Variants in SERPINA12 observed in about 807,000 individuals in gnomAD.
SERPINA12 encodes serpin family A member 12.
SERPINA12 carries 21 observed loss-of-function variants against 25.9 expected under a neutral mutation model. The ratio of observed to expected loss-of-function variants is 0.81; its 90% CI spans 0.58 to 1.17. The LOEUF (loss-of-function observed/expected upper bound fraction) is 1.17, where lower values mean the gene tolerates loss of function less well. SERPINA12 is among the 50% of genes most tolerant of loss of function. SERPINA12 has a pLI of 0.00. For synonymous variants in SERPINA12, 220 were observed against 196.0 expected (o/e 1.12, Z -1.02); for missense variants, 562 against 508.3 (o/e 1.11, Z -1.02).
At chr14:94,493,367 C>T (rs1172786373) in intron 3 of SERPINA12, among the ~76,000 whole-genome samples, 1 of 152,192 alleles carries the variant, frequency 6.6e-6, no homozygotes, top group Non-Finnish European at 1.5e-5. Context: ...CATTCCAAGG[C>T]CAGAAGTGAC....
At chr14:94,509,896 C>A (rs1901063770), upstream of SERPINA12, 2 of 824,198 alleles carry the variant, frequency 2.4e-6, no homozygotes, top group South Asian at 1.1e-4. Context: ...AGATTCCTTC[C>A]CTGGGACAGG....
At chr14:94,506,864 T>G (rs1178697052) in intron 1 of SERPINA12, among the ~76,000 whole-genome samples, 1 of 152,244 alleles carries the variant, frequency 6.6e-6, no homozygotes, top group African/African-American at 2.4e-5. Flanking sequence ...GATTCCCACC[T>G]GATGATTCCC....
Position 94,496,597 on chromosome 14 carries a change from A to G in SERPINA12, c.681T>C (p.Asp227=). Reference sequence around the variant, plus strand: ...CTGAACTGTTTTTCTCCAGAAAGAAATCTTCCTCTTTAGTTACATTTGGAT... The same window carrying G: ...CTGAACTGTTTTTCTCCAGAAAGAAGTCTTCCTCTTTAGTTACATTTGGAT... The part of the protein sequence containing the change: ...EFDPNVTKEE[D]FFLEKNSSVK... Residue 227 remains aspartate, a synonymous_variant, in exon 3 of 5, where the codon GAT becomes GAC. Transcript: ENST00000677451. 1 of 1,614,070 alleles carries G rather than the reference A, an allele frequency of 6.2e-7. No homozygotes were observed. The highest frequency in any genetic ancestry group is 8.5e-7 in the Non-Finnish European group (1 of 1,179,942).
intron 1 of SERPINA12, among the ~76,000 whole-genome samples, chr14:94,507,428 G>A (rs970352536): frequency 1.3e-5 from 2 of 152,336 alleles, no homozygotes; most frequent in East Asian, 3.9e-4. Flanking sequence ...CAAGTCACAA[G>A]CTGGGAGTGG....
chr14:94,496,481 T>C lies in SERPINA12; in HGVS notation c.797A>G (p.Lys266Arg), dbSNP rs1259270856. ...AAGGATGAAGATGGCTGTGATATTTTTCTGGTAGGGTATTTCCAGGATGGT... is the reference window on the plus strand; with the variant it reads ...AAGGATGAAGATGGCTGTGATATTTCTCTGGTAGGGTATTTCCAGGATGGT... ...SCTILEIPYQ[K>R]NITAIFILPD... The change falls in exon 3 of 5, where the codon AAA becomes AGA. Residue 266 changes from lysine to arginine, a missense_variant. Physicochemically the swap from Lys to Arg is conservative, Grantham distance 26 (BLOSUM62 2). Transcript: ENST00000677451. 1.2e-6 allele frequency: 2 copies of C among 1,614,178 alleles called. No individual in the cohort carries two copies. Among genetic ancestry groups the C allele is most frequent in the South Asian group, 2.2e-5 (2 of 91,072 alleles).
chr14:94,496,584 T>C lies in SERPINA12; in HGVS notation c.694A>G (p.Lys232Glu), dbSNP rs1900433405. Residue 232 changes from lysine to glutamate, a missense_variant, in exon 3 of 5, where the codon AAA becomes GAA. Lys to Glu is a moderately conservative substitution (Grantham distance 56). Coordinates refer to ENST00000677451, the MANE Select transcript of SERPINA12 (RefSeq NM_001382267.1). ...VTKEEDFFLEKNSSVKVPMMF... is the reference protein window; with the variant it reads ...VTKEEDFFLEENSSVKVPMMF... Reference sequence around the variant, plus strand: ...ATGGGCACCTTGACTGAACTGTTTTTCTCCAGAAAGAAATCTTCCTCTTTA... The same window carrying C: ...ATGGGCACCTTGACTGAACTGTTTTCCTCCAGAAAGAAATCTTCCTCTTTA... 1.2e-6 allele frequency: 2 copies of C among 1,614,074 alleles called. No homozygotes were observed.
At chr14:94,504,653 C>A (rs949801156) in intron 1 of SERPINA12, among the ~76,000 whole-genome samples, 8 of 152,158 alleles carry the variant, frequency 5.3e-5, no homozygotes, top group African/African-American at 1.7e-4. Context: ...CAACTAAATG[C>A]GTAGATTCCG....
At chr14:94,516,554 C>G (rs1901239919) in intron 1 of SERPINA12, among the ~76,000 whole-genome samples, 1 of 152,160 alleles carries the variant, frequency 6.6e-6, no homozygotes, top group Non-Finnish European at 1.5e-5. Flanking sequence ...GCACCCCACA[C>G]CAACCTCAGA....
intron 1 of SERPINA12, among the ~76,000 whole-genome samples, chr14:94,503,622 A>T (rs1281960937): frequency 6.6e-5 from 10 of 152,208 alleles, no homozygotes; most frequent in Admixed American, 6.5e-5. Flanking sequence ...TGCCATAAAG[A>T]GGGAAATGAG....
intron 1 of SERPINA12, among the ~76,000 whole-genome samples, chr14:94,509,080 T>C (rs925184751): frequency 6.6e-6 from 1 of 152,172 alleles, no homozygotes; most frequent in Non-Finnish European, 1.5e-5. Context: ...TCTGAATCCC[T>C]TTTTCCATGG....
chr14:94,501,022 C>T (rs1900696066), intron 1 of SERPINA12: 1 of 985,286 alleles, frequency 1.0e-6, no homozygotes, highest in Non-Finnish European at 1.2e-6. Context: ...CCAAAAACCA[C>T]TTCTTGGTAA....
At chr14:94,496,250 C>A in intron 3 of SERPINA12, 123 bp downstream of exon 3, 2 of 924,570 alleles carry the variant, frequency 2.2e-6, no homozygotes, top group Admixed American at 4.6e-5. Context: ...TAATTCTCAC[C>A]ATGATATAAG....
At chr14:94,511,263 A>T, upstream of SERPINA12, 1 of 266,818 alleles carries the variant, frequency 3.7e-6, no homozygotes, top group Non-Finnish European at 5.8e-6. Flanking sequence ...ACATATATAT[A>T]TACACACACA....
intron 2 of SERPINA12, among the ~76,000 whole-genome samples, 154 bp downstream of exon 2, chr14:94,497,610 T>C (rs1308895350): frequency 1.3e-5 from 2 of 152,202 alleles, no homozygotes; most frequent in Non-Finnish European, 2.9e-5. Context: ...TTATGTATCA[T>C]GGTAACCATT....
At chr14:94,509,852 C>T (rs1451424253), upstream of SERPINA12, 17 of 425,070 alleles carry the variant, frequency 4.0e-5, no homozygotes, top group Non-Finnish European at 5.0e-5. Flanking sequence ...AGCCCTGATC[C>T]CTGTGATCAT....
At chr14:94,497,658 A>T in intron 2 of SERPINA12, 106 bp downstream of exon 2, 1 of 1,018,408 alleles carries the variant, frequency 9.8e-7, no homozygotes, top group Non-Finnish European at 1.4e-6. Context: ...GAGATAAATC[A>T]CATATGAATT....
At chr14:94,501,619 TC>T (rs138900346) in intron 1 of SERPINA12, among the ~76,000 whole-genome samples, 7,929 of 150,320 alleles carry the variant, frequency 0.053, 282 homozygotes, top group Middle Eastern at 0.09. Flanking sequence ...TTTGGTTTCT[TC>T]CCCCATGAGA....
intron 3 of SERPINA12, among the ~76,000 whole-genome samples, chr14:94,496,103 A>G (rs1012098977): frequency 1.6e-4 from 24 of 152,076 alleles, no homozygotes; most frequent in African/African-American, 5.6e-4. Context: ...ACTTGGCTCA[A>G]ATGCTATCTC....
chr14:94,503,260 T>C, intron 1 of SERPINA12: 1 of 985,110 alleles, frequency 1.0e-6, no homozygotes. Flanking sequence ...CAAACTCTGA[T>C]GACCACAGCA....
Sources: gnomAD v4.1 joint callset for allele counts (sites outside exome capture counted in the v4.1 genomes callset) on GRCh38, gnomAD v4.1.1 for gene constraint, MANE v1.5 for transcripts, NCBI Gene and HGNC (gene_info 2026-07-23, HGNC 2026-07-21) for gene names.